The following CYB5R4 variants were observed in gnomAD, a reference collection of about 807,000 sequenced individuals.
The protein encoded by CYB5R4 is cytochrome b5 reductase 4.
CYB5R4 carries 55 observed loss-of-function variants against 70.2 expected under a neutral mutation model. The ratio of observed to expected loss-of-function variants is 0.78; its 90% CI spans 0.63 to 0.98. The LOEUF is 0.98. Ranked by LOEUF, CYB5R4 falls within the 50% of genes least tolerant of loss-of-function variation. The pLI, the probability that CYB5R4 is intolerant of heterozygous loss-of-function variation, is 0.00. For missense variants in CYB5R4, 562 were observed against 612.6 expected (o/e 0.92, Z 0.87); for synonymous variants, 197 against 199.5 (o/e 0.99, Z 0.11).
At position 83,936,352 on chromosome 6, in the gene CYB5R4, C is replaced by T; in HGVS notation, c.1084C>T (p.Pro362Ser). 1 of 1,611,290 alleles carries T rather than the reference C, an allele frequency of 6.2e-7. No homozygotes were observed. Residue 362 changes from proline (P) to serine (S), a missense_variant, in exon 12 of 16, where the codon CCA becomes TCA. Coordinates refer to ENST00000369681, the MANE Select transcript of CYB5R4 (RefSeq NM_016230.4). ...AATCTATCCCACTGGACTCTTCACA[C>T]CAGAGCTTGATCGTCTTCAGATTGG... ...IKIYPTGLFTPELDRLQIGDF... is the reference protein window; with the variant it reads ...IKIYPTGLFTSELDRLQIGDF...
chr6:83,919,449 C>T lies in CYB5R4; in HGVS notation c.559C>T (p.Gln187Ter). ...AGTCACCATTGCCATATATACTAAA[C>T]AGAAGGTAAATATGTCTTTAAAATC... is the stretch of plus-strand genomic sequence containing the variant. ...SLVTIAIYTK[Q>*]KDINLDSIIV... The change falls in exon 7 of 16, where the codon CAG (glutamine) becomes TAG (stop). Residue 187 changes from glutamine (Q) to a stop codon, truncating the protein, a stop_gained. Coordinates refer to ENST00000369681, the MANE Select transcript of CYB5R4 (RefSeq NM_016230.4). LOFTEE classifies it high-confidence loss of function. 6.8e-7 allele frequency: 1 copy of T among 1,477,866 alleles called. No individual in the cohort carries two copies. Among genetic ancestry groups the T allele is most frequent in the Non-Finnish European group, 9.2e-7 (1 of 1,081,910 alleles). The allele number at this position is 1,477,866 out of a possible 1,614,324, so 91.5% of individuals were successfully genotyped here. A position where few individuals can be genotyped will look rare whatever the true frequency, so the allele number is the denominator to read the frequency against.
chr6:83,953,253 TATTTG>T (rs1000359193), intron 14 of CYB5R4, among the ~76,000 whole-genome samples: 1 of 152,144 alleles, frequency 6.6e-6, no homozygotes, highest in Non-Finnish European at 1.5e-5. Flanking sequence ...GTCACAGACT[TATTTG>T]ATAGTTAGCC....
In CYB5R4 at chr6:83,965,324, G is replaced by A. The variant is rs1451393645; in HGVS notation, c.*5446G>A. 2.6e-5 allele frequency: 4 copies of A among 152,234 alleles called. No homozygotes were observed. The highest frequency in any genetic ancestry group is 9.6e-5 in the African/African-American group (4 of 41,458). The allele number at this position is 152,234 out of a possible 1,614,324, so 9.4% of individuals were successfully genotyped here. Reference sequence around the variant, plus strand: ...AGGGCCAGAGCTGCCCAAGACCATGGGAAGCCACCTCTTGCATCAGCGTGA... The same window carrying A: ...AGGGCCAGAGCTGCCCAAGACCATGAGAAGCCACCTCTTGCATCAGCGTGA... On this transcript the variant is annotated 3_prime_UTR_variant, in exon 16 of 16. Coordinates refer to ENST00000369681, the MANE Select transcript of CYB5R4 (RefSeq NM_016230.4).
chr6:83,902,148 T>G lies in CYB5R4; in HGVS notation c.331-6861T>G, dbSNP rs997445657. 1.8e-4 allele frequency among the ~76,000 whole-genome samples: 28 copies of G among 152,310 alleles called. No individual in the cohort carries two copies. The East Asian group carries it at 5.4e-3, about 29-fold the overall frequency. On this transcript the variant is annotated intron_variant, in intron 3 of 15. Transcript: ENST00000369681. ...TGTTTTCTTCTAGTGATTTTATAGT[T>G]TCGGGTCTATATTTTAAGTCTTTAA...
rs143254839 is a variant in CYB5R4, at chr6:83,903,390, A to G, written c.331-5619A>G. ...AAATTCCACTTCATCATGTTTTATTATATTTTTGATGTGCTGTCAAATTCA... is the reference window on the plus strand; with the variant it reads ...AAATTCCACTTCATCATGTTTTATTGTATTTTTGATGTGCTGTCAAATTCA... On this transcript the variant is annotated intron_variant, in intron 3 of 15. Coordinates refer to ENST00000369681, the MANE Select transcript of CYB5R4 (RefSeq NM_016230.4). 3.1e-3 allele frequency among the ~76,000 whole-genome samples: 472 copies of G among 152,024 alleles called. 1 individual carries two copies. The highest frequency in any genetic ancestry group is 0.011 in the African/African-American group (438 of 41,492).
At chr6:83,907,132 T>C (rs968756665) in intron 3 of CYB5R4, among the ~76,000 whole-genome samples, 1 of 152,062 alleles carries the variant, frequency 6.6e-6, no homozygotes, top group African/African-American at 2.4e-5. Flanking sequence ...GGCTGGAATG[T>C]AGTGGCATGA....
chr6:83,894,806 A>T (rs1307592164), intron 3 of CYB5R4, among the ~76,000 whole-genome samples: 1 of 152,206 alleles, frequency 6.6e-6, no homozygotes, highest in Non-Finnish European at 1.5e-5. Context: ...GTGGAAGTGG[A>T]TCATCATGAA....
chr6:83,859,913 G>A (rs2099455671), intron 1 of CYB5R4, 56 bp downstream of exon 1: 2 of 1,509,508 alleles, frequency 1.3e-6, no homozygotes. Context: ...CTCTGGCAGT[G>A]TGTTCTCTTC....
chr6:83,894,768 G>A (rs1386097720), intron 3 of CYB5R4, among the ~76,000 whole-genome samples: 1 of 147,662 alleles, frequency 6.8e-6, no homozygotes, highest in Non-Finnish European at 1.5e-5. Flanking sequence ...AAATCATAAG[G>A]AAGAGAAAAT....
intron 2 of CYB5R4, among the ~76,000 whole-genome samples, chr6:83,889,567 T>G (rs2099460785): frequency 6.6e-6 from 1 of 152,236 alleles, no homozygotes; most frequent in Non-Finnish European, 1.5e-5. Context: ...TAAAAAAGTT[T>G]CTTTTCAAAT....
rs1040587894 is a variant in CYB5R4 at position 83,963,584 on chromosome 6, C to T, written c.*3706C>T. The T allele has an allele frequency of 2.6e-5, 4 of 152,194 alleles. No individual in the cohort carries two copies. Among genetic ancestry groups the T allele is most frequent in the African/African-American group, 9.6e-5 (4 of 41,454 alleles). 9.4% of individuals were successfully genotyped at this position (152,194 alleles called of 1,614,324 possible). A position where few individuals can be genotyped will look rare whatever the true frequency, so the allele number is the denominator to read the frequency against. Reference sequence around the variant, plus strand: ...GTTTTATTTTGAAGTCATTTTCACCCAGCATTGCAAGTTTAGCAGACCTCA... The same window carrying T: ...GTTTTATTTTGAAGTCATTTTCACCTAGCATTGCAAGTTTAGCAGACCTCA... On this transcript the variant is annotated 3_prime_UTR_variant, in exon 16 of 16. Transcript: ENST00000369681.
At chr6:83,873,682 T>C (rs2099458016) in intron 2 of CYB5R4, among the ~76,000 whole-genome samples, 1 of 152,208 alleles carries the variant, frequency 6.6e-6, no homozygotes, top group African/African-American at 2.4e-5. Flanking sequence ...TTCTCAAGGG[T>C]CTGCTATGCG....
chr6:83,886,314 T>C (rs959290402), intron 2 of CYB5R4, among the ~76,000 whole-genome samples: 1 of 152,210 alleles, frequency 6.6e-6, no homozygotes, highest in Admixed American at 6.5e-5. Flanking sequence ...TACTGCCACA[T>C]TGGGGATTAT....
At chr6:83,907,087 CT>C (rs1312968545) in intron 3 of CYB5R4, among the ~76,000 whole-genome samples, 1 of 151,686 alleles carries the variant, frequency 6.6e-6, no homozygotes, top group Non-Finnish European at 1.5e-5. Context: ...TTTTTAAGTC[CT>C]TTTTTTTCAA....
intron 3 of CYB5R4, among the ~76,000 whole-genome samples, chr6:83,899,208 A>G (rs1588569058): frequency 6.6e-6 from 1 of 152,200 alleles, no homozygotes; most frequent in Non-Finnish European, 1.5e-5. Context: ...CCTTTTCTGC[A>G]TCTATTGAGA....
chr6:83,873,410 T>C (rs1284442022), intron 2 of CYB5R4, among the ~76,000 whole-genome samples: 1 of 151,886 alleles, frequency 6.6e-6, no homozygotes, highest in Non-Finnish European at 1.5e-5. Flanking sequence ...CGGCTAATTT[T>C]TTGTATTTTT....
intron 4 of CYB5R4, among the ~76,000 whole-genome samples, chr6:83,912,202 C>T (rs2099464806): frequency 6.6e-6 from 1 of 152,148 alleles, no homozygotes; most frequent in South Asian, 2.1e-4. Flanking sequence ...CTCTCCCATG[C>T]ACACACCAAG....
intron 7 of CYB5R4, 108 bp from the exon 8 acceptor site, chr6:83,920,974 A>G (rs978094338): frequency 1.8e-5 from 14 of 786,872 alleles, no homozygotes; most frequent in East Asian, 1.5e-4. Context: ...TGGAGGTTCA[A>G]TAAAGAAGCA....
intron 2 of CYB5R4, among the ~76,000 whole-genome samples, chr6:83,881,253 C>A (rs903328528): frequency 6.6e-6 from 1 of 152,054 alleles, no homozygotes. Flanking sequence ...CAGCTCACTG[C>A]AGCCTCAGAC....
Sources: gnomAD v4.1 joint callset for allele counts (sites outside exome capture counted in the v4.1 genomes callset) on GRCh38, gnomAD v4.1.1 for gene constraint, MANE v1.5 for transcripts, NCBI Gene and HGNC (gene_info 2026-07-23, HGNC 2026-07-21) for gene names.